STK24: variants seen among roughly 807,000 people sequenced by gnomAD.
STK24 encodes serine/threonine kinase 24, also known as serine/threonine-protein kinase 24.
Under a neutral mutation model 55.6 loss-of-function variants are expected in STK24, and 21 were observed. The observed-to-expected ratio is 0.38, with a 90% CI of 0.27 to 0.54. The LOEUF is 0.54. STK24 is among the 20% of genes least tolerant of loss of function. The pLI is 0.79. For synonymous variants in STK24, 200 were observed against 215.2 expected (o/e 0.93, Z 0.62); for missense variants, 383 against 538.4 (o/e 0.71, Z 2.86).
intron 9 of STK24, among the ~76,000 whole-genome samples, chr13:98,459,886 A>C (rs1424037456): frequency 2.0e-5 from 3 of 152,154 alleles, no homozygotes; most frequent in Non-Finnish European, 1.5e-5. Flanking sequence ...TTCCTCTGGG[A>C]GGGAGAGGCT....
chr13:98,494,227 C>T (rs12875731), intron 2 of STK24, among the ~76,000 whole-genome samples: 11 of 147,362 alleles, frequency 7.5e-5, no homozygotes, highest in East Asian at 2.1e-4. Context: ...CTGGCTAACA[C>T]GGTGAAACCC....
At chr13:98,484,278 G>A (rs1894722547) in intron 2 of STK24, among the ~76,000 whole-genome samples, 1 of 152,202 alleles carries the variant, frequency 6.6e-6, no homozygotes, top group African/African-American at 2.4e-5. Context: ...TTTCTAGATG[G>A]CAAAGGAAAT....
chr13:98,478,931 A>C (rs1173129046), intron 3 of STK24, among the ~76,000 whole-genome samples: 3 of 152,138 alleles, frequency 2.0e-5, no homozygotes, highest in Non-Finnish European at 2.9e-5. Flanking sequence ...GGAACCTTCT[A>C]ACAAACGGTG....
intron 2 of STK24, among the ~76,000 whole-genome samples, chr13:98,510,081 G>A (rs1895830282): frequency 1.3e-5 from 2 of 152,168 alleles, no homozygotes; most frequent in South Asian, 4.1e-4. Context: ...TGTTGTGATG[G>A]TGTACGGACT....
chr13:98,469,606 T>C (rs1894067165), intron 5 of STK24, among the ~76,000 whole-genome samples: 1 of 150,890 alleles, frequency 6.6e-6, no homozygotes, highest in Admixed American at 6.6e-5. Context: ...GACACGAGGG[T>C]CACCCAGCTC....
intron 2 of STK24, among the ~76,000 whole-genome samples, chr13:98,510,544 A>G (rs963975506): frequency 6.6e-6 from 1 of 152,266 alleles, no homozygotes; most frequent in African/African-American, 2.4e-5. Context: ...CCAACTGATA[A>G]ATAGATAACA....
intron 2 of STK24, among the ~76,000 whole-genome samples, chr13:98,515,306 C>A (rs1302066501): frequency 6.6e-6 from 1 of 152,136 alleles, no homozygotes; most frequent in African/African-American, 2.4e-5. Context: ...CAACCCCACA[C>A]ACAGGCAGTT....
intron 2 of STK24, among the ~76,000 whole-genome samples, chr13:98,504,144 C>T (rs1243548257): frequency 6.6e-6 from 1 of 152,174 alleles, no homozygotes; most frequent in African/African-American, 2.4e-5. Context: ...AGTTGATTTT[C>T]CCAAGCACAC....
chr13:98,460,977 G>A (rs1376915783), intron 8 of STK24, among the ~76,000 whole-genome samples: 2 of 151,644 alleles, frequency 1.3e-5, no homozygotes, highest in Non-Finnish European at 2.9e-5. Context: ...GAGCCCAGGA[G>A]TTTGAGGCTA....
intron 5 of STK24, among the ~76,000 whole-genome samples, chr13:98,471,205 G>C (rs1345107775): frequency 6.6e-6 from 1 of 152,166 alleles, no homozygotes; most frequent in African/African-American, 2.4e-5. Context: ...ACGCAGTGCA[G>C]TAGACAGGCT....
intron 1 of STK24, among the ~76,000 whole-genome samples, chr13:98,564,525 G>C (rs1167257915): frequency 7.2e-5 from 11 of 152,244 alleles, no homozygotes; most frequent in Non-Finnish European, 1.0e-4. Context: ...GGGCAGAGGA[G>C]CTGAAGAGCA....
intron 2 of STK24, among the ~76,000 whole-genome samples, chr13:98,483,033 C>T (rs1027738525): frequency 6.6e-6 from 1 of 152,266 alleles, no homozygotes; most frequent in Non-Finnish European, 1.5e-5. Flanking sequence ...TCAAGCTACT[C>T]AGCCCTCATG....
chr13:98,476,270 G>A (rs1376572742), intron 3 of STK24, among the ~76,000 whole-genome samples: 1 of 143,300 alleles, frequency 7.0e-6, no homozygotes, highest in Admixed American at 7.5e-5. Context: ...GAGTGGGGCA[G>A]TCAGTCACAA....
chr13:98,456,907 A>C (rs1270942543), intron 10 of STK24: 1 of 554,948 alleles, frequency 1.8e-6, no homozygotes, highest in Non-Finnish European at 3.2e-6. Context: ...GTATTTCACC[A>C]CCACCCTGTA....
chr13:98,490,467 G>T (rs1894978314), intron 2 of STK24, among the ~76,000 whole-genome samples: 1 of 152,102 alleles, frequency 6.6e-6, no homozygotes. Context: ...ATTACATCCT[G>T]TGGGTCACTC....
intron 8 of STK24, 83 bp from the exon 9 acceptor site, chr13:98,460,523 A>G: frequency 8.6e-7 from 1 of 1,168,568 alleles, no homozygotes; most frequent in Non-Finnish European, 1.3e-6. Flanking sequence ...CACCTGGACT[A>G]TGGAAGCGCA....
At chr13:98,475,774 G>A (rs1295801378) in intron 3 of STK24, among the ~76,000 whole-genome samples, 1 of 152,166 alleles carries the variant, frequency 6.6e-6, no homozygotes. Context: ...GTACAGGCTG[G>A]GGATTTCACT....
chr13:98,575,487 AGT>A (rs1232822633), intron 1 of STK24, among the ~76,000 whole-genome samples: 1 of 152,074 alleles, frequency 6.6e-6, no homozygotes, highest in Non-Finnish European at 1.5e-5. Flanking sequence ...GGTAACTTTG[AGT>A]TCCTATTTTT....
intron 2 of STK24, among the ~76,000 whole-genome samples, chr13:98,499,976 T>G (rs1416029902): frequency 6.6e-6 from 1 of 152,216 alleles, no homozygotes; most frequent in East Asian, 1.9e-4. Flanking sequence ...TGCTGAAGAT[T>G]TTAACCTACT....
Sources: gnomAD v4.1 joint callset for allele counts (sites outside exome capture counted in the v4.1 genomes callset) on GRCh38, gnomAD v4.1.1 for gene constraint, MANE v1.5 for transcripts, NCBI Gene and HGNC (gene_info 2026-07-23, HGNC 2026-07-21) for gene names.